The following GRIK1 variants were observed in gnomAD, a reference collection of about 807,000 sequenced individuals.
The protein encoded by GRIK1 is glutamate ionotropic receptor kainate type subunit 1.
A neutral mutation model predicts 105.7 loss-of-function variants in GRIK1; 69 were observed. The observed-to-expected ratio is 0.65, with a 90% CI of 0.54 to 0.80. GRIK1 has a LOEUF of 0.80. GRIK1 is among the 30% of genes least tolerant of loss of function. The pLI, the probability that GRIK1 is intolerant of heterozygous loss-of-function variation, is 0.00. For missense variants in GRIK1, 1,109 were observed against 1,167.3 expected (o/e 0.95, Z 0.73); for synonymous variants, 438 against 431.3 (o/e 1.02, Z -0.19).
chr21:29,551,263 T>G (rs1249476978), intron 16 of GRIK1, among the ~76,000 whole-genome samples: 1 of 152,208 alleles, frequency 6.6e-6, no homozygotes, highest in Non-Finnish European at 1.5e-5. Context: ...CTATGAAAAT[T>G]CTATTTGAGA....
chr21:29,779,494 G>GGTGTGT (rs3054349), intron 1 of GRIK1, among the ~76,000 whole-genome samples: 9 of 148,018 alleles, frequency 6.1e-5, no homozygotes, highest in African/African-American at 2.0e-4. Context: ...GCCCTTTTAT[G>GGTGTGT]GTGTGTGTGT....
At chr21:29,848,032 C>G (rs1374646873) in intron 1 of GRIK1, among the ~76,000 whole-genome samples, 1 of 150,838 alleles carries the variant, frequency 6.6e-6, no homozygotes, top group Non-Finnish European at 1.5e-5. Flanking sequence ...TCTCAGTTAC[C>G]CAGGGTTAAA....
rs1284865319 is a variant in GRIK1, at chr21:29,862,465, A to T, written c.118+76918T>A. On this transcript the variant is annotated intron_variant, in intron 1 of 17. Coordinates refer to ENST00000327783, the MANE Select transcript of GRIK1 (RefSeq NM_001330994.2). Reference sequence around the variant, plus strand: ...TATATTGTCTAATTTATTGTTTGTCATTCAACAGTAAAACAGGATTATTAG... The same window carrying T: ...TATATTGTCTAATTTATTGTTTGTCTTTCAACAGTAAAACAGGATTATTAG... Among the ~76,000 whole-genome samples the T allele has an allele frequency of 3.1e-4, 17 of 54,324 alleles. 1 individual carries two copies. The South Asian group carries it at 4.6e-3, about 15-fold the overall frequency. The allele number at this position is 54,324 out of a possible 152,430, so 35.6% of individuals were successfully genotyped here.
intron 1 of GRIK1, among the ~76,000 whole-genome samples, chr21:29,749,709 C>T (rs1230654561): frequency 6.6e-6 from 1 of 152,120 alleles, no homozygotes; most frequent in Non-Finnish European, 1.5e-5. Flanking sequence ...AAACATGCAA[C>T]TTGATATATG....
Position 29,596,564 on chromosome 21 carries a change from C to T in GRIK1, c.1213G>A (p.Gly405Ser), listed in dbSNP as rs752325028. 1.2e-6 allele frequency: 2 copies of T among 1,608,830 alleles called. No homozygotes were observed. Among genetic ancestry groups the T allele is most frequent in the Non-Finnish European group, 1.7e-6 (2 of 1,175,242 alleles). ...LKEEGTEKAA[G>S]EVSKHLYKVW... ...TTATACAAGTGTTTAGACACTTCGC[C>T]AGCAGCCTTGGTTTTCAGAGAGAAA... The change falls in exon 9 of 18, where the codon GGC becomes AGC. Residue 405 changes from glycine (G) to serine (S), a missense_variant. By Grantham distance (56) the Gly-to-Ser change is moderately conservative. This residue lies in a region of GRIK1 where 612 missense variants were observed against 586.0 expected (regional missense o/e 1.04). Transcript: ENST00000327783.
At chr21:29,929,282 C>G (rs1431014203) in intron 1 of GRIK1, among the ~76,000 whole-genome samples, 1 of 152,204 alleles carries the variant, frequency 6.6e-6, no homozygotes, top group African/African-American at 2.4e-5. Flanking sequence ...TGGCAATCTG[C>G]AGGCAAATGT....
At chr21:29,631,030 A>G (rs2062259108) in intron 7 of GRIK1, among the ~76,000 whole-genome samples, 1 of 151,844 alleles carries the variant, frequency 6.6e-6, no homozygotes, top group Admixed American at 6.6e-5. Context: ...CTGGTCTAGA[A>G]CTCCTGAACT....
chr21:29,846,611 A>G (rs1203829684), intron 1 of GRIK1, among the ~76,000 whole-genome samples: 1 of 152,172 alleles, frequency 6.6e-6, no homozygotes, highest in African/African-American at 2.4e-5. Context: ...TTTATCTTAT[A>G]TATTCCTCCT....
chr21:29,776,081 T>C (rs1288885430), intron 1 of GRIK1, among the ~76,000 whole-genome samples: 1 of 152,114 alleles, frequency 6.6e-6, no homozygotes. Flanking sequence ...CCAAACACTT[T>C]TAAAACCACC....
At chr21:29,608,526 A>G (rs2061667461) in intron 7 of GRIK1, among the ~76,000 whole-genome samples, 1 of 152,142 alleles carries the variant, frequency 6.6e-6, no homozygotes, top group South Asian at 2.1e-4. Context: ...TCTGCCAAAT[A>G]CTGCATTAAT....
intron 1 of GRIK1, among the ~76,000 whole-genome samples, chr21:29,778,432 T>A (rs1439268541): frequency 6.6e-6 from 1 of 152,238 alleles, no homozygotes; most frequent in Non-Finnish European, 1.5e-5. Context: ...GGCGACTCAG[T>A]GCTTCCTAAG....
intron 1 of GRIK1, among the ~76,000 whole-genome samples, chr21:29,765,994 G>T (rs1031787545): frequency 1.3e-5 from 2 of 152,044 alleles, no homozygotes; most frequent in African/African-American, 4.8e-5. Context: ...TGGGACTACA[G>T]GCGCCCGCCA....
intron 7 of GRIK1, among the ~76,000 whole-genome samples, chr21:29,622,467 C>T (rs1205352970): frequency 6.6e-6 from 1 of 152,132 alleles, no homozygotes; most frequent in African/African-American, 2.4e-5. Context: ...TCAAATTCTC[C>T]TCCACCAGCT....
In GRIK1 at chr21:29,641,825, T is replaced by C. The variant is rs186352965; in HGVS notation, c.1098+1001A>G. Among the ~76,000 whole-genome samples the C allele has an allele frequency of 2.3e-3, 348 of 152,236 alleles. 3 individuals carry two copies. The highest frequency in any genetic ancestry group is 8.0e-3 in the African/African-American group (333 of 41,534). On this transcript the variant is annotated intron_variant, in intron 7 of 17. Coordinates refer to ENST00000327783, the MANE Select transcript of GRIK1 (RefSeq NM_001330994.2). ...GGATCAGAGTCAGCCTTTAGTTGCA[T>C]TGAACAGACTGAGAGAGGGTGTGCA... is the stretch of plus-strand genomic sequence containing the variant.
chr21:29,818,782 T>A (rs1417402997), intron 1 of GRIK1, among the ~76,000 whole-genome samples: 1 of 151,998 alleles, frequency 6.6e-6, no homozygotes, highest in Non-Finnish European at 1.5e-5. Context: ...ACACAGTAGG[T>A]TTGTTTAGGA....
intron 1 of GRIK1, among the ~76,000 whole-genome samples, chr21:29,809,632 G>T (rs960084457): frequency 6.6e-6 from 1 of 152,170 alleles, no homozygotes; most frequent in African/African-American, 2.4e-5. Flanking sequence ...GTTCACTGGG[G>T]TAGCCCTTTT....
At chr21:29,560,490 T>C (rs1279735605) in intron 15 of GRIK1, among the ~76,000 whole-genome samples, 1 of 56,684 alleles carries the variant, frequency 1.8e-5, no homozygotes. Context: ...TCCCTTTCTT[T>C]CTTTCTTTCC....
At chr21:29,659,672 C>G (rs1433911145) in intron 4 of GRIK1, among the ~76,000 whole-genome samples, 1 of 152,050 alleles carries the variant, frequency 6.6e-6, no homozygotes, top group Non-Finnish European at 1.5e-5. Context: ...AATAAAAACT[C>G]AATGCCGGCC....
chr21:29,856,183 C>T (rs2068458986), intron 1 of GRIK1, among the ~76,000 whole-genome samples: 2 of 151,986 alleles, frequency 1.3e-5, no homozygotes, highest in Non-Finnish European at 2.9e-5. Flanking sequence ...TTCAGAGAGA[C>T]TCTATAGCGG....
Sources: gnomAD v4.1 joint callset for allele counts (sites outside exome capture counted in the v4.1 genomes callset) on GRCh38, gnomAD v4.1.1 for gene constraint, gnomAD v4.1.1 regional missense constraint, MANE v1.5 for transcripts, NCBI Gene and HGNC (gene_info 2026-07-23, HGNC 2026-07-21) for gene names.